Variants in EPB41L5 observed in about 807,000 individuals in gnomAD.
The protein encoded by EPB41L5 is erythrocyte membrane protein band 4.1 like 5.
In EPB41L5, 55 loss-of-function variants were observed where a neutral mutation model predicts 106.6. That is an observed-to-expected ratio of 0.52 (90% CI 0.42 to 0.65). EPB41L5 has a LOEUF of 0.65. Ranked by LOEUF, EPB41L5 falls within the 30% of genes least tolerant of loss-of-function variation. EPB41L5 has a pLI of 0.00. For synonymous variants in EPB41L5, 297 were observed against 306.7 expected (o/e 0.97, Z 0.33); for missense variants, 871 against 882.1 (o/e 0.99, Z 0.16).
chr2:120,026,976 A>G (rs970027922), intron 2 of EPB41L5, among the ~76,000 whole-genome samples: 14 of 152,250 alleles, frequency 9.2e-5, no homozygotes, highest in Admixed American at 7.9e-4. Flanking sequence ...ATCATAAGTC[A>G]TCACAGAAAT....
chr2:120,015,080 T>C (rs918945121), intron 1 of EPB41L5, among the ~76,000 whole-genome samples: 2 of 150,938 alleles, frequency 1.3e-5, no homozygotes, highest in Non-Finnish European at 3.0e-5. Context: ...TCCCAGCACT[T>C]TGGGAGGCCG....
chr2:120,147,607 A>T (rs1394336929), intron 20 of EPB41L5, among the ~76,000 whole-genome samples: 3 of 146,842 alleles, frequency 2.0e-5, no homozygotes, highest in African/African-American at 7.6e-5. Flanking sequence ...CGTGGGCAAC[A>T]GAGCGAAACT....
intron 11 of EPB41L5, 119 bp from the exon 12 acceptor site, chr2:120,090,228 G>T: frequency 2.7e-6 from 2 of 741,804 alleles, no homozygotes; most frequent in Non-Finnish European, 4.2e-6. Context: ...TATAAAGAGT[G>T]TCTGAATTTC....
intron 16 of EPB41L5, among the ~76,000 whole-genome samples, chr2:120,102,920 A>G (rs996628952): frequency 2.0e-5 from 3 of 152,220 alleles, no homozygotes; most frequent in South Asian, 2.1e-4. Context: ...AGGGGAGAAC[A>G]TAAACCTAAT....
intron 15 of EPB41L5, 83 bp from the exon 16 acceptor site, chr2:120,100,616 A>C (rs1213798235): frequency 1.2e-5 from 11 of 956,316 alleles, no homozygotes; most frequent in Non-Finnish European, 1.7e-6. Context: ...TGGCTTTGTA[A>C]ATAGTACTCC....
intron 3 of EPB41L5, among the ~76,000 whole-genome samples, chr2:120,044,197 C>A (rs1679616989): frequency 6.7e-6 from 1 of 148,774 alleles, no homozygotes; most frequent in Non-Finnish European, 1.5e-5. Context: ...AATTGTGAAA[C>A]TATTTTTCAT....
chr2:120,097,394 T>C (rs1158950169), intron 14 of EPB41L5, among the ~76,000 whole-genome samples: 1 of 152,242 alleles, frequency 6.6e-6, no homozygotes, highest in Admixed American at 6.5e-5. Context: ...CAGTACTGTT[T>C]GAAAAGGCAC....
At chr2:120,136,361 C>T (rs1469995901) in intron 18 of EPB41L5, among the ~76,000 whole-genome samples, 1 of 150,772 alleles carries the variant, frequency 6.6e-6, no homozygotes, top group Non-Finnish European at 1.5e-5. Context: ...GATCACAAAA[C>T]AATCAGAAAA....
chr2:120,062,483 A>C (rs2105286638), intron 3 of EPB41L5, among the ~76,000 whole-genome samples: 1 of 152,338 alleles, frequency 6.6e-6, no homozygotes, highest in South Asian at 2.1e-4. Flanking sequence ...GATTTTAAAA[A>C]AATTAAAATA....
chr2:120,103,988 G>A, intron 16 of EPB41L5: 1 of 1,434,474 alleles, frequency 7.0e-7, no homozygotes, highest in Non-Finnish European at 9.1e-7. Context: ...CCCCTTTATT[G>A]TCTCTTACAC....
At chr2:120,167,817 G>A in intron 23 of EPB41L5, 60 bp from the exon 24 acceptor site, 5 of 1,599,466 alleles carry the variant, frequency 3.1e-6, no homozygotes, top group Non-Finnish European at 4.3e-6. Flanking sequence ...ATTTGGAGCT[G>A]AAGTGCTGAC....
intron 20 of EPB41L5, among the ~76,000 whole-genome samples, chr2:120,155,137 T>G (rs1486228059): frequency 6.6e-6 from 1 of 152,228 alleles, no homozygotes; most frequent in African/African-American, 2.4e-5. Context: ...CTGGGTAGTA[T>G]TCTTTTCTTT....
chr2:120,061,380 G>A (rs1319824271), intron 3 of EPB41L5, among the ~76,000 whole-genome samples: 3 of 150,898 alleles, frequency 2.0e-5, no homozygotes, highest in Non-Finnish European at 3.0e-5. Context: ...CCGCCACTAC[G>A]CCCGGCTAAT....
chr2:120,059,200 A>C (rs1680863238), intron 3 of EPB41L5, among the ~76,000 whole-genome samples: 1 of 152,216 alleles, frequency 6.6e-6, no homozygotes. Context: ...GAATAGTCTT[A>C]ATAATGGTGC....
At chr2:120,052,658 G>A (rs1274015308) in intron 3 of EPB41L5, among the ~76,000 whole-genome samples, 2 of 152,112 alleles carry the variant, frequency 1.3e-5, no homozygotes, top group East Asian at 3.8e-4. Flanking sequence ...ATGTTCATTT[G>A]ACATGGCCCC....
intron 3 of EPB41L5, among the ~76,000 whole-genome samples, chr2:120,054,446 C>T (rs1415126525): frequency 6.6e-6 from 1 of 151,982 alleles, no homozygotes; most frequent in Non-Finnish European, 1.5e-5. Context: ...TTATATCTAT[C>T]AAACGATTGC....
intron 16 of EPB41L5, among the ~76,000 whole-genome samples, chr2:120,107,477 T>C (rs1684517054): frequency 6.6e-6 from 1 of 152,190 alleles, no homozygotes; most frequent in Non-Finnish European, 1.5e-5. Flanking sequence ...TCATCAGTTA[T>C]ATCTTGCTTT....
At chr2:120,119,176 G>T (rs1487748508) in intron 16 of EPB41L5, among the ~76,000 whole-genome samples, 1 of 151,810 alleles carries the variant, frequency 6.6e-6, no homozygotes, top group Non-Finnish European at 1.5e-5. Context: ...TTTTTAATGT[G>T]CTTTTTTTCT....
At chr2:120,156,073 T>C (rs888920406) in intron 20 of EPB41L5, among the ~76,000 whole-genome samples, 2 of 152,136 alleles carry the variant, frequency 1.3e-5, no homozygotes, top group Non-Finnish European at 2.9e-5. Flanking sequence ...GAGCATCTAT[T>C]GTGGAGCATG....
Sources: gnomAD v4.1 joint callset for allele counts (sites outside exome capture counted in the v4.1 genomes callset) on GRCh38, gnomAD v4.1.1 for gene constraint, MANE v1.5 for transcripts, NCBI Gene and HGNC (gene_info 2026-07-23, HGNC 2026-07-21) for gene names.